The following ANG variants were observed in gnomAD, a reference collection of about 807,000 sequenced individuals.
ANG encodes the protein angiogenin.
For missense variants in ANG, 178 were observed against 187.4 expected, an observed-to-expected ratio of 0.95 and a Z score of 0.29; for synonymous variants, 74 against 73.8, an observed-to-expected ratio of 1.00 and a Z score of -0.02.
chr14:20,694,077 A>G lies in ANG; in HGVS notation c.*69A>G, dbSNP rs1311022216. On this transcript the variant is annotated 3_prime_UTR_variant, in exon 2 of 2. Coordinates refer to ENST00000397990, the MANE Select transcript of ANG (RefSeq NM_001097577.3). Reference sequence around the variant, plus strand: ...TCCATTTCCCCTCTGCACCCAGAACAGTGGTGGCAACATTCATTGCCAAGG... The same window carrying G: ...TCCATTTCCCCTCTGCACCCAGAACGGTGGTGGCAACATTCATTGCCAAGG... 4.5e-6 allele frequency: 7 copies of G among 1,571,186 alleles called. No individual in the cohort carries two copies. The highest frequency in any genetic ancestry group is 6.1e-6 in the Non-Finnish European group (7 of 1,141,244).
upstream of ANG, among the ~76,000 whole-genome samples, chr14:20,686,509 T>C (rs1344472340): frequency 6.6e-6 from 1 of 152,264 alleles, no homozygotes; most frequent in Non-Finnish European, 1.5e-5. Flanking sequence ...AAGCAGATTC[T>C]CTGTAATTCT....
intron 1 of ANG, among the ~76,000 whole-genome samples, chr14:20,690,775 T>A (rs1044890950): frequency 6.6e-6 from 1 of 152,176 alleles, no homozygotes; most frequent in African/African-American, 2.4e-5. Flanking sequence ...ATGAAGTCAA[T>A]TACTTAAAAA....
chr14:20,690,221 C>CAAAAAA (rs36091065), intron 1 of ANG, among the ~76,000 whole-genome samples: 88 of 67,978 alleles, frequency 1.3e-3, no homozygotes, highest in African/African-American at 2.4e-3. Flanking sequence ...GACTCCGTCT[C>CAAAAAA]AAAAAAAAAA....
chr14:20,689,736 G>A (rs1018910721), intron 1 of ANG, among the ~76,000 whole-genome samples: 2 of 152,074 alleles, frequency 1.3e-5, no homozygotes, highest in African/African-American at 4.8e-5. Flanking sequence ...GGCCGACATG[G>A]CGAAACCCCG....
At position 20,694,101 on chromosome 14, in the gene ANG, G is replaced by C. The variant is rs575051760; in HGVS notation, c.*93G>C. 68 of 1,437,712 alleles carry C rather than the reference G, an allele frequency of 4.7e-5. No homozygotes were observed. In the East Asian group the frequency reaches 1.5e-3, roughly 32 times the overall value. The allele number at this position is 1,437,712 out of a possible 1,614,324, so 89.1% of individuals were successfully genotyped here. A position where few individuals can be genotyped will look rare whatever the true frequency, so the allele number is the denominator to read the frequency against. On this transcript the variant is annotated 3_prime_UTR_variant, in exon 2 of 2. Coordinates refer to ENST00000397990, the MANE Select transcript of ANG (RefSeq NM_001097577.3). ...CAGTGGTGGCAACATTCATTGCCAA[G>C]GGCCCAAAGAAAGAGCTACCTGGAC...
At chr14:20,691,388 T>G (rs1014933030) in intron 1 of ANG, among the ~76,000 whole-genome samples, 5 of 152,192 alleles carry the variant, frequency 3.3e-5, no homozygotes, top group Non-Finnish European at 5.9e-5. Flanking sequence ...CAATAAAACT[T>G]TAATAAGATC....
chr14:20,693,209 C>T (rs1886890703), intron 1 of ANG, among the ~76,000 whole-genome samples: 1 of 152,138 alleles, frequency 6.6e-6, no homozygotes, highest in South Asian at 2.1e-4. Context: ...CAGTAGAGAC[C>T]TATGTAATGT....
Position 20,693,711 on chromosome 14 carries a change from C to A in ANG, c.147C>A (p.Tyr49Ter), listed in dbSNP as rs754593656. 10 of 1,614,070 alleles carry A rather than the reference C, an allele frequency of 6.2e-6. 1 individual carries two copies. In the South Asian group the frequency reaches 1.1e-4, roughly 18 times the overall value. The change falls in exon 2 of 2, where the codon TAC (tyrosine) becomes TAA (stop). Residue 49 changes from tyrosine (Y) to a stop codon, truncating the protein, a stop_gained. Transcript: ENST00000397990. LOFTEE classifies it low-confidence loss of function (END_TRUNC). ...AACCACAGGGCCGGGATGACAGATA[C>A]TGTGAAAGCATCATGAGGAGACGGG... Reference protein sequence around the residue: ...DAKPQGRDDRYCESIMRRRGL... With the variant: ...DAKPQGRDDR
In ANG at chr14:20,688,831, G is replaced by A. The variant is rs925468532; in HGVS notation, c.-62G>A. On this transcript the variant is annotated 5_prime_UTR_variant, in exon 1 of 2. Transcript: ENST00000397990. ...AACAAACAGCTGGAACCCATCTCCC[G>A]TTGAAGGGAAACTGCCAGATTTTTG... 2.7e-5 allele frequency: 27 copies of A among 985,232 alleles called. No individual in the cohort carries two copies. Among genetic ancestry groups the A allele is most frequent in the African/African-American group, 1.2e-4 (7 of 57,196 alleles). 61.0% of individuals were successfully genotyped at this position (985,232 alleles called of 1,614,324 possible). A position where few individuals can be genotyped will look rare whatever the true frequency, so the allele number is the denominator to read the frequency against.
chr14:20,692,520 A>C (rs1368064813), intron 1 of ANG, among the ~76,000 whole-genome samples: 1 of 152,242 alleles, frequency 6.6e-6, no homozygotes, highest in Non-Finnish European at 1.5e-5. Context: ...ATCAGCAGGC[A>C]GCATTAGATT....
upstream of ANG, chr14:20,684,868 G>C (rs1886349018): frequency 6.6e-6 from 1 of 152,312 alleles, no homozygotes; most frequent in South Asian, 2.1e-4. Context: ...TTGGGGAGGA[G>C]TTTGCGGGAC....
chr14:20,689,404 C>G (rs758070827), intron 1 of ANG, among the ~76,000 whole-genome samples: 1 of 152,134 alleles, frequency 6.6e-6, no homozygotes, highest in East Asian at 1.9e-4. Flanking sequence ...GTGTTAGGCT[C>G]TTACTTTGGG....
At position 20,688,821 on chromosome 14, in the gene ANG, C is replaced by A. The variant is rs780800053; in HGVS notation, c.-72C>A. On this transcript the variant is annotated 5_prime_UTR_variant, in exon 1 of 2. Coordinates refer to ENST00000397990, the MANE Select transcript of ANG (RefSeq NM_001097577.3). ...CATCTCCAGGAACAAACAGCTGGAA[C>A]CCATCTCCCGTTGAAGGGAAACTGC... is the stretch of plus-strand genomic sequence containing the variant. 1.3e-5 allele frequency: 13 copies of A among 985,376 alleles called. No individual in the cohort carries two copies. The highest frequency in any genetic ancestry group is 6.1e-5 in the Admixed American group (1 of 16,284). The allele number at this position is 985,376 out of a possible 1,614,324, so 61.0% of individuals were successfully genotyped here.
intron 1 of ANG, among the ~76,000 whole-genome samples, chr14:20,691,314 G>GTCATT (rs1320773048): frequency 2.6e-5 from 4 of 152,350 alleles, no homozygotes; most frequent in Non-Finnish European, 5.9e-5. Context: ...GTGTAAGGCA[G>GTCATT]ACCTTTGACA....
Position 20,694,060 on chromosome 14 carries a change from C to G in ANG, c.*52C>G. On this transcript the variant is annotated 3_prime_UTR_variant, in exon 2 of 2. Coordinates refer to ENST00000397990, the MANE Select transcript of ANG (RefSeq NM_001097577.3). ...CTCTGCTGTCCTTGCCTTCCATTTC[C>G]CCTCTGCACCCAGAACAGTGGTGGC... 6.2e-7 allele frequency: 1 copy of G among 1,600,016 alleles called. No homozygotes were observed. Among genetic ancestry groups the G allele is most frequent in the Non-Finnish European group, 8.6e-7 (1 of 1,167,276 alleles).
chr14:20,685,480 C>T (rs866251913), upstream of ANG, among the ~76,000 whole-genome samples: 2 of 152,134 alleles, frequency 1.3e-5, no homozygotes, highest in Admixed American at 6.5e-5. Context: ...ACCCAAGGGA[C>T]ATCATTATCT....
intron 1 of ANG, among the ~76,000 whole-genome samples, chr14:20,689,536 T>C (rs1886597588): frequency 6.6e-6 from 1 of 152,360 alleles, no homozygotes; most frequent in South Asian, 2.1e-4. Context: ...ATCTTTTGAA[T>C]ACTGAACATT....
At chr14:20,692,479 G>T (rs1886811445) in intron 1 of ANG, among the ~76,000 whole-genome samples, 1 of 152,216 alleles carries the variant, frequency 6.6e-6, no homozygotes, top group Non-Finnish European at 1.5e-5. Context: ...CCGGTCTGTG[G>T]CCTGTCCGCC....
upstream of ANG, among the ~76,000 whole-genome samples, chr14:20,686,039 TA>T (rs11378368): frequency 9.4e-3 from 1,297 of 137,928 alleles, 19 homozygotes; most frequent in African/African-American, 0.023. Context: ...GACTCCGTCT[TA>T]AAAAAAAAAA....
Sources: gnomAD v4.1 joint callset for allele counts (sites outside exome capture counted in the v4.1 genomes callset) on GRCh38, gnomAD v4.1.1 for gene constraint, MANE v1.5 for transcripts, NCBI Gene and HGNC (gene_info 2026-07-23, HGNC 2026-07-21) for gene names.